Variants in KIRREL2 observed in about 807,000 individuals in gnomAD.
KIRREL2 encodes kirre like nephrin family adhesion molecule 2.
KIRREL2 carries 56 observed loss-of-function variants against 73.4 expected under a neutral mutation model. The ratio of observed to expected loss-of-function variants is 0.76; its 90% CI spans 0.62 to 0.95. The LOEUF is 0.95. KIRREL2 is among the 40% of genes least tolerant of loss of function. The pLI, the probability that KIRREL2 is intolerant of heterozygous loss-of-function variation, is 0.00. For synonymous variants in KIRREL2, 407 were observed against 404.0 expected (o/e 1.01, Z -0.09); for missense variants, 896 against 935.0 (o/e 0.96, Z 0.54).
chr19:35,860,242 A>C, intron 5 of KIRREL2, 55 bp from the exon 6 acceptor site: 2 of 1,450,252 alleles, frequency 1.4e-6, no homozygotes, highest in Non-Finnish European at 1.9e-6. Context: ...CACCTAGGCC[A>C]GTGACGGAGG....
At position 35,864,639 on chromosome 19, in the gene KIRREL2, C is replaced by T. The variant is rs2146882544; in HGVS notation, c.1726-9C>T. ...TGACTATTCCCTCTCACTAAGTTCC[C>T]TACCCCAGGGCCCCATTGTGCACAC... On this transcript the variant is annotated splice_polypyrimidine_tract_variant and intron_variant, in intron 13 of 14. Coordinates refer to ENST00000360202, the MANE Select transcript of KIRREL2 (RefSeq NM_199180.4). The T allele has an allele frequency of 6.2e-7, 1 of 1,611,406 alleles. No homozygotes were observed.
intron 7 of KIRREL2, 22 bp downstream of exon 7, chr19:35,860,689 G>C (rs1229650593): frequency 6.2e-7 from 1 of 1,601,100 alleles, no homozygotes; most frequent in Admixed American, 1.7e-5. Flanking sequence ...CCGGCCTGTG[G>C]GTGTGGTCAA....
At chr19:35,853,157 T>C (rs1376391762), upstream of KIRREL2, among the ~76,000 whole-genome samples, 1 of 152,080 alleles carries the variant, frequency 6.6e-6, no homozygotes, top group Non-Finnish European at 1.5e-5. Flanking sequence ...CTGGGGAGGA[T>C]GCAAGAGTGA....
In KIRREL2 at chr19:35,860,787, A is replaced by C. The variant is rs1216776809; in HGVS notation, c.928+120A>C. On this transcript the variant is annotated intron_variant, in intron 7 of 14. Transcript: ENST00000360202. ...GAGCGTGGGGTATTAGGAGGAGGAG[A>C]GTGTGGAGCTGGGGCATATTCTTGC... The C allele has an allele frequency of 1.7e-5, 27 of 1,575,446 alleles. 4 individuals are homozygous for C. In the South Asian group the frequency reaches 3.0e-4, roughly 18 times the overall value.
Position 35,860,560 on chromosome 19 carries a change from C to A in KIRREL2, c.821C>A (p.Pro274Gln). ...TCTCCGGTGCTCGGGGCCCGCGGGCCAAGGTTAGAGGTCGTGGCAGACGCC... is the reference window on the plus strand; with the variant it reads ...TCTCCGGTGCTCGGGGCCCGCGGGCAAAGGTTAGAGGTCGTGGCAGACGCC... ...GGSPVLGARG[P>Q]RLEVVADASF... is the part of the protein sequence containing the mutation. The change falls in exon 7 of 15, where the codon CCA becomes CAA. Residue 274 changes from proline (P) to glutamine (Q), a missense_variant. Physicochemically the swap from Pro to Gln is moderately conservative, Grantham distance 76 (BLOSUM62 -1). Transcript: ENST00000360202. 2 of 1,603,448 alleles carry A rather than the reference C, an allele frequency of 1.2e-6. No individual in the cohort carries two copies.
In KIRREL2 at chr19:35,864,724, A is replaced by G. The variant is rs777587788; in HGVS notation, c.1791+11A>G. ...ACTCTGGAGACCAAGGTGAGTGTTG[A>G]GAGGGGTGGGGCTCCCTTCACTGTT... On this transcript the variant is annotated intron_variant, in intron 14 of 14. Coordinates refer to ENST00000360202, the MANE Select transcript of KIRREL2 (RefSeq NM_199180.4). The G allele has an allele frequency of 6.2e-7, 1 of 1,603,458 alleles. No individual in the cohort carries two copies. Among genetic ancestry groups the G allele is most frequent in the Admixed American group, 1.7e-5 (1 of 59,960 alleles).
In KIRREL2 at chr19:35,860,682, G is replaced by T; in HGVS notation, c.928+15G>T. 6.2e-7 allele frequency: 1 copy of T among 1,601,400 alleles called. No individual in the cohort carries two copies. The highest frequency in any genetic ancestry group is 8.5e-7 in the Non-Finnish European group (1 of 1,179,502). ...GGATGTGCTGTGTGAGCTGGGGCCG[G>T]CCTGTGGGTGTGGTCAAAGGTGGCC... On this transcript the variant is annotated intron_variant, in intron 7 of 14. Coordinates refer to ENST00000360202, the MANE Select transcript of KIRREL2 (RefSeq NM_199180.4).
At chr19:35,856,237 C>G (rs1484816079), upstream of KIRREL2, among the ~76,000 whole-genome samples, 2 of 152,210 alleles carry the variant, frequency 1.3e-5, no homozygotes, top group African/African-American at 4.8e-5. This position sits in a 1 kb window ranked among gnomAD's most constrained non-coding sequence, Gnocchi z 5.9. Context: ...TGCCCCGGCC[C>G]GGCACCGCCG....
upstream of KIRREL2, among the ~76,000 whole-genome samples, chr19:35,855,347 G>A (rs1313181183): frequency 6.6e-6 from 1 of 151,922 alleles, no homozygotes; most frequent in Non-Finnish European, 1.5e-5. Context: ...TTCTCTGCAT[G>A]CTCCTGGGAC....
chr19:35,862,687 G>A, intron 12 of KIRREL2, 90 bp downstream of exon 12: 1 of 977,056 alleles, frequency 1.0e-6, no homozygotes, highest in Non-Finnish European at 1.6e-6. Context: ...TTGGGCCTTG[G>A]CTCCAGTCCC....
rs778803930 is a variant in KIRREL2 at position 35,860,434 on chromosome 19, C to T, written c.779+32C>T. 5.0e-6 allele frequency: 8 copies of T among 1,608,880 alleles called. No homozygotes were observed. In the Admixed American group the frequency reaches 8.3e-5, roughly 17 times the overall value. The stretch of plus-strand genomic sequence containing the variant: ...ACGAAGACCCACCTCTCCCCAGCCC[C>T]AAGAGTGAGCTTGGGAAGGGCTGGG... On this transcript the variant is annotated intron_variant, in intron 6 of 14. Coordinates refer to ENST00000360202, the MANE Select transcript of KIRREL2 (RefSeq NM_199180.4).
At chr19:35,855,706 C>CACACACACAT (rs1491182830), upstream of KIRREL2, among the ~76,000 whole-genome samples, 251 of 90,576 alleles carry the variant, frequency 2.8e-3, 3 homozygotes, top group South Asian at 6.0e-3. Context: ...CACACACACA[C>CACACACACAT]ATACACACAG....
In KIRREL2 at chr19:35,866,200, G is replaced by C. The variant is rs1350201259; in HGVS notation, c.1835G>C (p.Ser612Thr). ...TACAAGGTCCGAGGAGTCAGTGTGA[G>C]CCTGAGCCTTGGCGAAGCCCCTGGA... ...GYYKVRGVSV[S>T]LSLGEAPGGG... The change falls in exon 15 of 15, where the codon AGC (serine) becomes ACC (threonine). Residue 612 changes from serine to threonine, a missense_variant. Transcript: ENST00000360202. The C allele has an allele frequency of 1.2e-6, 2 of 1,613,174 alleles. No homozygotes were observed. Among genetic ancestry groups the C allele is most frequent in the South Asian group, 2.2e-5 (2 of 91,032 alleles).
chr19:35,862,413 G>A lies in KIRREL2; in HGVS notation c.1511-80G>A, dbSNP rs1973734262. 4 of 1,071,078 alleles carry A rather than the reference G, an allele frequency of 3.7e-6. No individual in the cohort carries two copies. The South Asian group carries it at 5.1e-5, about 14-fold the overall frequency. The allele number at this position is 1,071,078 out of a possible 1,614,324, so 66.3% of individuals were successfully genotyped here. On this transcript the variant is annotated intron_variant, in intron 11 of 14. Coordinates refer to ENST00000360202, the MANE Select transcript of KIRREL2 (RefSeq NM_199180.4). ...CAAATGTGCGACCTTTTGAACCCAG[G>A]AATCCCAAACTCAATCCCTGAGCCC...
rs61745185 is a variant in KIRREL2, at chr19:35,857,466, G to A, written c.183G>A (p.Leu61=). 280 of 1,604,050 alleles carry A rather than the reference G, an allele frequency of 1.7e-4. No homozygotes were observed. In the African/African-American group the frequency reaches 3.6e-3, roughly 20 times the overall value. The change falls in exon 2 of 15, where the codon CTG becomes CTA. Residue 61 remains leucine (L), a synonymous_variant. Transcript: ENST00000360202. The part of the protein sequence containing the change: ...WGLVQWTKSG[L]ALGGQRDLPG... Reference sequence around the variant, plus strand: ...TAGTTCAGTGGACTAAGAGTGGGCTGGCCCTAGGGGGCCAAAGGGACCTAC... The same window carrying A: ...TAGTTCAGTGGACTAAGAGTGGGCTAGCCCTAGGGGGCCAAAGGGACCTAC...
chr19:35,853,915 G>A (rs1208169316), upstream of KIRREL2, among the ~76,000 whole-genome samples: 2 of 145,020 alleles, frequency 1.4e-5, no homozygotes, highest in African/African-American at 2.6e-5. Context: ...TGCGATGTTG[G>A]CTCACTGTAA....
chr19:35,862,809 T>C (rs909981006), intron 12 of KIRREL2, 118 bp from the exon 13 acceptor site: 3 of 721,770 alleles, frequency 4.2e-6, no homozygotes, highest in Non-Finnish European at 7.2e-6. Context: ...TCTTATTGGT[T>C]TCCAACAGCC....
intron 10 of KIRREL2, 65 bp downstream of exon 10, chr19:35,861,706 C>T (rs1973696302): frequency 6.3e-7 from 1 of 1,589,578 alleles, no homozygotes. Context: ...ACCTGGCCCC[C>T]CGAAACTACT....
chr19:35,860,502 C>A lies in KIRREL2; in HGVS notation c.780-17C>A, dbSNP rs1194959819. The A allele has an allele frequency of 1.2e-6, 2 of 1,602,496 alleles. No homozygotes were observed. Among genetic ancestry groups the A allele is most frequent in the Non-Finnish European group, 1.7e-6 (2 of 1,179,518 alleles). On this transcript the variant is annotated splice_polypyrimidine_tract_variant and intron_variant, in intron 6 of 14. Coordinates refer to ENST00000360202, the MANE Select transcript of KIRREL2 (RefSeq NM_199180.4). ...AGAGAGGCCAGGACAACGTTAACAGCGCCACCATTTCCTCAGGTGGGCAAA... is the reference window on the plus strand; with the variant it reads ...AGAGAGGCCAGGACAACGTTAACAGAGCCACCATTTCCTCAGGTGGGCAAA...
Sources: allele counts gnomAD v4.1 joint callset (sites outside exome capture counted in the v4.1 genomes callset), GRCh38; gene constraint gnomAD v4.1.1; non-coding constraint Gnocchi (gnomAD v3.1); transcripts MANE v1.5; gene names NCBI Gene and HGNC (gene_info 2026-07-23, HGNC 2026-07-21).